VPS9D1: variants seen among roughly 807,000 people sequenced by gnomAD.
VPS9D1 encodes the protein VPS9 domain-containing protein 1.
In VPS9D1, 78 loss-of-function variants were observed where a neutral mutation model predicts 75.8. The observed-to-expected ratio is 1.03, with a 90% CI of 0.86 to 1.24. The LOEUF (loss-of-function observed/expected upper bound fraction) is 1.24. Ranked by LOEUF, VPS9D1 falls within the 50% of genes most tolerant of loss-of-function variation. The probability of loss-of-function intolerance (pLI) is 0.00; values close to 1 mark genes in which losing one functional copy is unlikely to be tolerated. For missense variants in VPS9D1, 1,057 were observed against 847.7 expected (o/e 1.25, Z -3.07); for synonymous variants, 481 against 385.6 (o/e 1.25, Z -2.90).
intron 4 of VPS9D1, chr16:89,713,229 G>C (rs1483088162): frequency 6.6e-6 from 1 of 151,988 alleles, no homozygotes; most frequent in Non-Finnish European, 1.5e-5. Flanking sequence ...ACAGGTTTTG[G>C]TATTGCCAGG....
intron 12 of VPS9D1, 91 bp downstream of exon 12, chr16:89,709,136 G>C: frequency 6.5e-7 from 1 of 1,543,164 alleles, no homozygotes; most frequent in Non-Finnish European, 8.8e-7. Flanking sequence ...ACCGGCACGT[G>C]ACAAGAGAAG....
rs753540701 is a variant in VPS9D1, at chr16:89,716,838, G to T, written c.176-16C>A. 1 of 1,581,326 alleles carries T rather than the reference G, an allele frequency of 6.3e-7. No individual in the cohort carries two copies. The highest frequency in any genetic ancestry group is 2.0e-5 in the Admixed American group (1 of 50,202). On this transcript the variant is annotated splice_polypyrimidine_tract_variant and intron_variant, in intron 2 of 14. Transcript: ENST00000389386. ...TCCCCAGCTTCTGGGGGAGGGACAA[G>T]AAGGCTGGTCACAGTCGGCTCTACC...
At chr16:89,718,297 C>A (rs2061139150) in intron 2 of VPS9D1, 1 of 352,504 alleles carries the variant, frequency 2.8e-6, no homozygotes, top group Non-Finnish European at 5.6e-6. Context: ...CATCCTCAGT[C>A]CTCACCTGAG....
chr16:89,711,791 T>C (rs2060932893), intron 8 of VPS9D1, 91 bp downstream of exon 8: 3 of 1,356,038 alleles, frequency 2.2e-6, no homozygotes, highest in South Asian at 1.3e-5. Flanking sequence ...AGCCTCTGGC[T>C]CCGCCCCCCA....
At position 89,707,647 on chromosome 16, in the gene VPS9D1, C is replaced by T. The variant is rs1435794683; in HGVS notation, c.*214G>A. 12 of 547,524 alleles carry T rather than the reference C, an allele frequency of 2.2e-5. No homozygotes were observed. The highest frequency in any genetic ancestry group is 1.1e-4 in the South Asian group (5 of 44,248). The allele number at this position is 547,524 out of a possible 1,614,324, so 33.9% of individuals were successfully genotyped here. On this transcript the variant is annotated 3_prime_UTR_variant, in exon 15 of 15. Coordinates refer to ENST00000389386, the MANE Select transcript of VPS9D1 (RefSeq NM_004913.3). ...TGGAGCTGATTCAGCCCCATTCTGT[C>T]GGGGCAGAGGTGCCAACCCCAAGCT... is the stretch of plus-strand genomic sequence containing the variant.
intron 11 of VPS9D1, 32 bp downstream of exon 11, chr16:89,709,745 C>T (rs1206957221): frequency 1.2e-6 from 2 of 1,612,818 alleles, no homozygotes; most frequent in Non-Finnish European, 1.7e-6. Flanking sequence ...AGACACTAGG[C>T]CACGCAGGTG....
At chr16:89,716,928 C>G in intron 2 of VPS9D1, 106 bp from the exon 3 acceptor site, 1 of 1,069,052 alleles carries the variant, frequency 9.4e-7, no homozygotes, top group Non-Finnish European at 1.3e-6. Context: ...CTGCCCCCCT[C>G]AGCACCCCCA....
chr16:89,712,248 C>A, intron 6 of VPS9D1, 149 bp from the exon 7 acceptor site: 1 of 1,365,844 alleles, frequency 7.3e-7, no homozygotes, highest in Non-Finnish European at 1.0e-6. Context: ...CAGAAGGCAG[C>A]CTGCGCTCAA....
In VPS9D1 at chr16:89,716,576, T is replaced by C. The variant is rs1376832030; in HGVS notation, c.317A>G (p.Gln106Arg). The change falls in exon 4 of 15, where the codon CAG becomes CGG. Residue 106 changes from glutamine (Q) to arginine (R), a missense_variant. Transcript: ENST00000389386. ...TACACGGCGGTGTCGGCCGGCAGGC[T>C]GGGGAATGGGAGCAGCTGCAGGCAT... Reference protein sequence around the residue: ...PTMPAAAPIPQPAGRHRRVYS... With the variant: ...PTMPAAAPIPRPAGRHRRVYS... The C allele has an allele frequency of 1.9e-6, 3 of 1,613,782 alleles. No homozygotes were observed. The highest frequency in any genetic ancestry group is 1.1e-5 in the South Asian group (1 of 91,076).
intron 9 of VPS9D1, 30 bp downstream of exon 9, chr16:89,711,297 G>A: frequency 1.3e-6 from 2 of 1,584,916 alleles, no homozygotes; most frequent in Non-Finnish European, 8.6e-7. Flanking sequence ...CGGTGCGCAG[G>A]GGCTCTGTGG....
intron 2 of VPS9D1, chr16:89,717,551 G>T (rs919503127): frequency 2.4e-5 from 11 of 456,230 alleles, no homozygotes; most frequent in Non-Finnish European, 4.8e-5. Context: ...CCGCCCCAGC[G>T]CCTGACCCAC....
Position 89,712,449 on chromosome 16 carries a change from A to G in VPS9D1, c.606+11T>C. On this transcript the variant is annotated intron_variant, in intron 6 of 14. Coordinates refer to ENST00000389386, the MANE Select transcript of VPS9D1 (RefSeq NM_004913.3). ...CCCCTCGGGGACCACCAGGGCGGTCAGAAAGGCTGCTGTCTCCTCCCGGGC... is the reference window on the plus strand; with the variant it reads ...CCCCTCGGGGACCACCAGGGCGGTCGGAAAGGCTGCTGTCTCCTCCCGGGC... 1 of 1,612,948 alleles carries G rather than the reference A, an allele frequency of 6.2e-7. No homozygotes were observed. Among genetic ancestry groups the G allele is most frequent in the Non-Finnish European group, 8.5e-7 (1 of 1,179,994 alleles).
intron 2 of VPS9D1, among the ~76,000 whole-genome samples, chr16:89,718,805 C>T (rs1041958147): frequency 2.0e-5 from 3 of 151,836 alleles, no homozygotes; most frequent in African/African-American, 7.3e-5. Flanking sequence ...ACCTCTGCTC[C>T]CGGGTTCAAG....
At chr16:89,720,719 G>C (rs748664896) in intron 1 of VPS9D1, 44 bp downstream of exon 1, 3 of 1,406,948 alleles carry the variant, frequency 2.1e-6, no homozygotes, top group Admixed American at 5.5e-5. Flanking sequence ...GGTCCCTCCA[G>C]GGGCCACCCT....
In VPS9D1 at chr16:89,709,333, C is replaced by CT. The variant is rs1316506103; in HGVS notation, c.1490dup (p.Asn498GlufsTer3). On this transcript the variant is annotated frameshift_variant, in exon 12 of 15. Transcript: ENST00000389386. LOFTEE classifies it high-confidence loss of function. ...CAGTGGCCCCCTTGGCCTCAGGGTT[C>CT]TGGGGGAGGAGCTTGGTGGGGATGC... is the stretch of plus-strand genomic sequence containing the variant. 1 of 1,598,316 alleles carries CT rather than the reference C, an allele frequency of 6.3e-7. No homozygotes were observed. Among genetic ancestry groups the CT allele is most frequent in the Non-Finnish European group, 8.5e-7 (1 of 1,174,616 alleles).
Position 89,717,915 on chromosome 16 carries a change from G to A in VPS9D1, c.176-1093C>T, listed in dbSNP as rs180679720. ...GCTCCCCCGACCTCTGTGATCCCAC[G>A]TCCAGTGGCTCCCCCGACCTCTGTG... On this transcript the variant is annotated intron_variant, in intron 2 of 14. Coordinates refer to ENST00000389386, the MANE Select transcript of VPS9D1 (RefSeq NM_004913.3). 12 of 364,926 alleles carry A rather than the reference G, an allele frequency of 3.3e-5. No homozygotes were observed. The East Asian group carries it at 5.8e-4, about 18-fold the overall frequency. 22.6% of individuals were successfully genotyped at this position (364,926 alleles called of 1,614,324 possible).
chr16:89,717,668 T>G, intron 2 of VPS9D1: 1 of 455,636 alleles, frequency 2.2e-6, no homozygotes, highest in Non-Finnish European at 4.4e-6. Flanking sequence ...CGTCCCCACC[T>G]TGCCAGACAC....
intron 4 of VPS9D1, among the ~76,000 whole-genome samples, chr16:89,715,751 C>T (rs1195758615): frequency 6.6e-6 from 1 of 152,034 alleles, no homozygotes; most frequent in South Asian, 2.1e-4. Context: ...TCTTCGCTCA[C>T]TGCAACCTCC....
In VPS9D1 at chr16:89,711,969, C is replaced by G. The variant is rs2060940847; in HGVS notation, c.660G>C (p.Arg220Ser). 1 of 1,550,742 alleles carries G rather than the reference C, an allele frequency of 6.4e-7. No individual in the cohort carries two copies. Among genetic ancestry groups the G allele is most frequent in the Non-Finnish European group, 8.7e-7 (1 of 1,146,810 alleles). The change falls in exon 8 of 15, where the codon AGG becomes AGC. Residue 220 changes from arginine (R) to serine (S), a missense_variant and splice_region_variant. By Grantham distance (110) the Arg-to-Ser change is moderately radical. Transcript: ENST00000389386. The part of the protein sequence containing the change: ...RRLRLQEAAN[R>S]RFCSQVALTP... ...TCAGGGCGACTTGGCTGCAAAACCTCCTGGGGAGAAAGGCACGCGGTGGGT... is the reference window on the plus strand; with the variant it reads ...TCAGGGCGACTTGGCTGCAAAACCTGCTGGGGAGAAAGGCACGCGGTGGGT...
Sources: gnomAD v4.1 joint callset for allele counts (sites outside exome capture counted in the v4.1 genomes callset) on GRCh38, gnomAD v4.1.1 for gene constraint, MANE v1.5 for transcripts, NCBI Gene and HGNC (gene_info 2026-07-23, HGNC 2026-07-21) for gene names.